Variants in HECTD4 observed in about 807,000 individuals in gnomAD.
HECTD4 encodes probable E3 ubiquitin-protein ligase HECTD4.
In HECTD4, 114 loss-of-function variants were observed where a neutral mutation model predicts 471.5. The observed-to-expected ratio is 0.24, with a 90% confidence interval of 0.21 to 0.28. The LOEUF is 0.28. HECTD4 is among the 10% of genes least tolerant of loss of function. HECTD4 has a pLI of 1.00. For synonymous variants in HECTD4, 2,012 were observed against 2,256.0 expected (o/e 0.89, Z 3.07); for missense variants, 3,866 against 5,651.5 (o/e 0.68, Z 10.13).
At chr12:112,378,651 G>A (rs2036829859) in intron 1 of HECTD4, among the ~76,000 whole-genome samples, 1 of 152,080 alleles carries the variant, frequency 6.6e-6, no homozygotes, top group African/African-American at 2.4e-5. Context: ...AAAACTCTGT[G>A]GAAAATGGCC....
At chr12:112,372,028 T>C (rs2036686510) in intron 1 of HECTD4, among the ~76,000 whole-genome samples, 2 of 151,882 alleles carry the variant, frequency 1.3e-5, no homozygotes, top group African/African-American at 2.4e-5. Flanking sequence ...GGCAGCTGGC[T>C]GAATATGCAT....
intron 59 of HECTD4, among the ~76,000 whole-genome samples, chr12:112,192,273 G>A (rs2032105379): frequency 6.6e-6 from 1 of 152,198 alleles, no homozygotes; most frequent in Non-Finnish European, 1.5e-5. Flanking sequence ...TGCTCTGGTT[G>A]TATCATTCTA....
intron 66 of HECTD4, among the ~76,000 whole-genome samples, chr12:112,175,460 C>T (rs913130797): frequency 5.9e-5 from 9 of 152,210 alleles, no homozygotes; most frequent in Non-Finnish European, 1.3e-4. Flanking sequence ...AGAGAGAATA[C>T]GTTTCTGTTG....
chr12:112,375,205 C>T (rs1229028924), intron 1 of HECTD4, among the ~76,000 whole-genome samples: 2 of 152,182 alleles, frequency 1.3e-5, no homozygotes, highest in Non-Finnish European at 2.9e-5. Flanking sequence ...TGCATAAATC[C>T]ATGTTGTGAG....
chr12:112,366,036 A>G (rs936465465), intron 1 of HECTD4, among the ~76,000 whole-genome samples: 1 of 152,036 alleles, frequency 6.6e-6, no homozygotes, highest in Non-Finnish European at 1.5e-5. Flanking sequence ...TCAGCCTCCC[A>G]AAGTGCTGGG....
Position 112,163,435 on chromosome 12 carries a change from G to C in HECTD4, c.12897+107C>G. On this transcript the variant is annotated intron_variant, in intron 74 of 75. Transcript: ENST00000682272. This position sits in a 1 kb window ranked among gnomAD's most constrained non-coding sequence, Gnocchi z 8.2. ...ATGATACAGGTCTGTGGCAAGGACA[G>C]AGCTGAGACAGGCCACTGCCGATGC... 9.0e-7 allele frequency: 1 copy of C among 1,109,412 alleles called. No individual in the cohort carries two copies. Among genetic ancestry groups the C allele is most frequent in the Non-Finnish European group, 1.3e-6 (1 of 788,156 alleles). The allele number at this position is 1,109,412 out of a possible 1,614,324, so 68.7% of individuals were successfully genotyped here.
At chr12:112,176,379 A>G (rs1456539857) in intron 65 of HECTD4, among the ~76,000 whole-genome samples, 3 of 152,250 alleles carry the variant, frequency 2.0e-5, no homozygotes, top group Non-Finnish European at 2.9e-5. Flanking sequence ...TGGTCATCAA[A>G]GATGGCATCG....
chr12:112,380,825 T>C (rs1238584240), intron 1 of HECTD4, among the ~76,000 whole-genome samples: 1 of 152,194 alleles, frequency 6.6e-6, no homozygotes, highest in Admixed American at 6.5e-5. Flanking sequence ...CACTGCCGTT[T>C]CCAGAAACAC....
intron 52 of HECTD4, among the ~76,000 whole-genome samples, chr12:112,206,227 G>A (rs949244751): frequency 2.0e-5 from 3 of 152,132 alleles, no homozygotes; most frequent in African/African-American, 7.2e-5. Context: ...CAGGGGCAGT[G>A]GCTCACACCT....
In HECTD4 at chr12:112,188,967, C is replaced by T. The variant is rs1484035774; in HGVS notation, c.9472+1819G>A. ...AATTCTTCACCAAAATTGCACATGA[C>T]GGCCTATGCGCTGAAACTTATTCTC... is the stretch of plus-strand genomic sequence containing the variant. On this transcript the variant is annotated intron_variant, in intron 60 of 75. Coordinates refer to ENST00000682272, the MANE Select transcript of HECTD4 (RefSeq NM_001388303.1). This position sits in a 1 kb window ranked among gnomAD's most constrained non-coding sequence, Gnocchi z 4.2. Among the ~76,000 whole-genome samples, 5 of 152,218 alleles carry T rather than the reference C, an allele frequency of 3.3e-5. No individual in the cohort carries two copies. Among genetic ancestry groups the T allele is most frequent in the East Asian group, 1.9e-4 (1 of 5,200 alleles).
intron 7 of HECTD4, among the ~76,000 whole-genome samples, chr12:112,298,149 G>A (rs1020808312): frequency 2.6e-5 from 4 of 152,130 alleles, no homozygotes; most frequent in Non-Finnish European, 5.9e-5. Flanking sequence ...AATAAATGCC[G>A]TCAAGAGTTT....
Position 112,243,761 on chromosome 12 carries a change from C to T in HECTD4, c.4650G>A (p.Arg1550=), listed in dbSNP as rs1478495084. The part of the protein sequence containing the change: ...EDLEFTRANQ[R]RRHVTSHRSS... ...TGCGGTGGCTGGTCACGTGGCGACGCCTACGGGGAACACAGAACAGACTGG... is the reference window on the plus strand; with the variant it reads ...TGCGGTGGCTGGTCACGTGGCGACGTCTACGGGGAACACAGAACAGACTGG... The change falls in exon 31 of 76, where the codon AGG becomes AGA. Residue 1550 remains arginine (R), a splice_region_variant and synonymous_variant. Transcript: ENST00000682272. This position sits in a 1 kb window ranked among gnomAD's most constrained non-coding sequence, Gnocchi z 6.6. The T allele has an allele frequency of 6.2e-7, 1 of 1,613,140 alleles. No individual in the cohort carries two copies. The highest frequency in any genetic ancestry group is 8.5e-7 in the Non-Finnish European group (1 of 1,179,394).
chr12:112,197,212 A>G (rs1309882347), intron 55 of HECTD4, among the ~76,000 whole-genome samples: 4 of 152,070 alleles, frequency 2.6e-5, no homozygotes, highest in Admixed American at 6.5e-5. Context: ...GCGCCTGGCT[A>G]TGAGCTTGTT....
At chr12:112,220,054 T>C (rs1566077162) in intron 44 of HECTD4, among the ~76,000 whole-genome samples, 3 of 152,112 alleles carry the variant, frequency 2.0e-5, no homozygotes. Flanking sequence ...ATCATCTCAC[T>C]TGCAATACTG....
At chr12:112,322,612 A>T (rs2035609097) in intron 1 of HECTD4, 1 of 152,432 alleles carries the variant, frequency 6.6e-6, no homozygotes, top group Admixed American at 6.5e-5. Context: ...GGCAGCAACA[A>T]CTGGTAAGAA....
chr12:112,347,116 T>C (rs2036166892), intron 1 of HECTD4, among the ~76,000 whole-genome samples: 1 of 151,858 alleles, frequency 6.6e-6, no homozygotes, highest in African/African-American at 2.4e-5. Context: ...ACATTTATCA[T>C]ATAAAATATA....
chr12:112,372,926 A>C (rs1427011044), intron 1 of HECTD4, among the ~76,000 whole-genome samples: 1 of 149,722 alleles, frequency 6.7e-6, no homozygotes, highest in Non-Finnish European at 1.5e-5. Flanking sequence ...AGCTAATTTT[A>C]TTGTATTTGT....
Position 112,235,731 on chromosome 12 carries a change from A to C in HECTD4, c.5498T>G (p.Leu1833Arg), listed in dbSNP as rs764320762. 1 of 1,613,878 alleles carries C rather than the reference A, an allele frequency of 6.2e-7. No homozygotes were observed. The highest frequency in any genetic ancestry group is 2.2e-5 in the East Asian group (1 of 44,872). ...LSQPACVSKL[L>R]SLLLDQRPSP... ...CGGGCGTTGGTCAAGCAGCAGGGAG[A>C]GGAGTTTGGACACACAAGCTGGCTG... Residue 1833 changes from leucine to arginine, a missense_variant, in exon 36 of 76, where the codon CTC becomes CGC. Physicochemically the swap from Leu to Arg is moderately radical, Grantham distance 102. Around this residue, in one of 16 missense-constraint regions of HECTD4, gnomAD observed 12 missense variants for 48.0 expected, o/e 0.25. Coordinates refer to ENST00000682272, the MANE Select transcript of HECTD4 (RefSeq NM_001388303.1). The surrounding 1 kb of genome is among the most constrained non-coding windows in gnomAD (Gnocchi z 5.0).
At chr12:112,272,984 T>C (rs1268240285) in intron 11 of HECTD4, among the ~76,000 whole-genome samples, 2 of 152,192 alleles carry the variant, frequency 1.3e-5, no homozygotes, top group African/African-American at 4.8e-5. Flanking sequence ...AGGTGGAGGA[T>C]AGGAGCAGTT....
Sources: gnomAD v4.1 joint callset for allele counts (sites outside exome capture counted in the v4.1 genomes callset) on GRCh38, gnomAD v4.1.1 for gene constraint, gnomAD v4.1.1 regional missense constraint, Gnocchi (gnomAD v3.1) non-coding constraint, MANE v1.5 for transcripts, NCBI Gene and HGNC (gene_info 2026-07-23, HGNC 2026-07-21) for gene names.